DENND1B: variants seen among roughly 807,000 people sequenced by gnomAD.
DENND1B encodes the protein DENN domain-containing protein 1B.
Under a neutral mutation model 90.1 loss-of-function variants are expected in DENND1B, and 59 were observed. The observed-to-expected ratio is 0.65, with a 90% CI of 0.53 to 0.81. DENND1B has a LOEUF of 0.81. Ranked by LOEUF, DENND1B falls within the 40% of genes least tolerant of loss-of-function variation. The pLI, the probability that DENND1B is intolerant of heterozygous loss-of-function variation, is 0.00. For missense variants in DENND1B, 862 were observed against 912.6 expected, an observed-to-expected ratio of 0.94 and a Z score of 0.71; for synonymous variants, 337 against 324.6, an observed-to-expected ratio of 1.04 and a Z score of -0.41.
At chr1:197,522,881 C>G (rs1360548330) in intron 20 of DENND1B, among the ~76,000 whole-genome samples, 1 of 152,078 alleles carries the variant, frequency 6.6e-6, no homozygotes, top group Non-Finnish European at 1.5e-5. Context: ...AGAAAAAAAT[C>G]TGCTAAAATG....
rs116078931 is a variant in DENND1B, at chr1:197,636,648, C to T, written c.672+6063G>A. Among the ~76,000 whole-genome samples, 495 of 152,144 alleles carry T rather than the reference C, an allele frequency of 3.3e-3. 3 individuals are homozygous for T. Among genetic ancestry groups the T allele is most frequent in the African/African-American group, 0.011 (462 of 41,514 alleles). On this transcript the variant is annotated intron_variant, in intron 10 of 22. Coordinates refer to ENST00000620048, the MANE Select transcript of DENND1B (RefSeq NM_001195215.2). ...ATAAATTTCTCAGTAGGGTAAGTAGCGCAAAGCATGCCCTATATTATATAT... is the reference window on the plus strand; with the variant it reads ...ATAAATTTCTCAGTAGGGTAAGTAGTGCAAAGCATGCCCTATATTATATAT...
At chr1:197,602,346 T>C (rs149135625) in intron 13 of DENND1B, among the ~76,000 whole-genome samples, 33 of 151,586 alleles carry the variant, frequency 2.2e-4, no homozygotes, top group African/African-American at 8.0e-4. Context: ...ATGCCTGAGT[T>C]CTAACAATTG....
intron 20 of DENND1B, among the ~76,000 whole-genome samples, chr1:197,527,374 C>A (rs1669220927): frequency 6.6e-6 from 1 of 151,122 alleles, no homozygotes; most frequent in Admixed American, 6.6e-5. Context: ...CCTCTGCCTC[C>A]CGGGTTCAAG....
At chr1:197,618,192 T>C (rs1274498674) in intron 10 of DENND1B, among the ~76,000 whole-genome samples, 3 of 151,084 alleles carry the variant, frequency 2.0e-5, no homozygotes, top group Non-Finnish European at 3.0e-5. Context: ...TTAGGGCAAA[T>C]TGCCAAAGAA....
intron 14 of DENND1B, among the ~76,000 whole-genome samples, chr1:197,591,106 A>G (rs1376191385): frequency 6.6e-6 from 1 of 152,206 alleles, no homozygotes; most frequent in Non-Finnish European, 1.5e-5. Context: ...ACATGGTGAA[A>G]GACATGAAAA....
chr1:197,714,166 G>T (rs1007479225), intron 3 of DENND1B, among the ~76,000 whole-genome samples: 1 of 151,034 alleles, frequency 6.6e-6, no homozygotes, highest in Admixed American at 6.6e-5. Context: ...GCAGAGACGA[G>T]GTTTCACCAT....
In DENND1B at chr1:197,510,983, G is replaced by T. The variant is rs1667989004; in HGVS notation, c.1816-11C>A. On this transcript the variant is annotated splice_polypyrimidine_tract_variant and intron_variant, in intron 22 of 22. Coordinates refer to ENST00000620048, the MANE Select transcript of DENND1B (RefSeq NM_001195215.2). The stretch of plus-strand genomic sequence containing the variant: ...AGCATTAGATTTATTCTGAAAAAAA[G>T]AAGAAACAACAAACTCAGAAAACTT... 1 of 1,478,428 alleles carries T rather than the reference G, an allele frequency of 6.8e-7. No individual in the cohort carries two copies. Among genetic ancestry groups the T allele is most frequent in the African/African-American group, 1.4e-5 (1 of 70,924 alleles). 91.6% of individuals were successfully genotyped at this position (1,478,428 alleles called of 1,614,324 possible). A position where few individuals can be genotyped will look rare whatever the true frequency, so the allele number is the denominator to read the frequency against.
intron 15 of DENND1B, among the ~76,000 whole-genome samples, chr1:197,569,665 G>A (rs1488668425): frequency 6.6e-6 from 1 of 151,788 alleles, no homozygotes; most frequent in Non-Finnish European, 1.5e-5. Flanking sequence ...TCAATCTGGA[G>A]GACATTATGC....
rs547149855 is a variant in DENND1B, at chr1:197,671,970, A to G, written c.296+67T>C. 14 of 1,439,218 alleles carry G rather than the reference A, an allele frequency of 9.7e-6. No individual in the cohort carries two copies. The Admixed American group carries it at 2.3e-4, about 23-fold the overall frequency. 89.2% of individuals were successfully genotyped at this position (1,439,218 alleles called of 1,614,324 possible). On this transcript the variant is annotated intron_variant, in intron 5 of 22. Transcript: ENST00000620048. ...AAACAAGTTTTTCTTCATCCCAAGC[A>G]TAACAAAGTACAATAGAGAGATAGT...
chr1:197,529,461 G>T (rs866208776), intron 20 of DENND1B, among the ~76,000 whole-genome samples: 18 of 151,562 alleles, frequency 1.2e-4, no homozygotes, highest in Middle Eastern at 6.8e-3. Flanking sequence ...ACTTTCCCTA[G>T]GTTTTGTTGT....
chr1:197,693,707 T>C (rs1183405273), intron 3 of DENND1B, among the ~76,000 whole-genome samples: 1 of 151,620 alleles, frequency 6.6e-6, no homozygotes, highest in Non-Finnish European at 1.5e-5. Flanking sequence ...TATTCCATCA[T>C]CTTTTCATCA....
chr1:197,779,698 A>G (rs1657381627), upstream of DENND1B, among the ~76,000 whole-genome samples: 1 of 151,610 alleles, frequency 6.6e-6, no homozygotes, highest in Admixed American at 6.6e-5. Context: ...TTTTATTTCT[A>G]AAGTTCTGTT....
intron 14 of DENND1B, among the ~76,000 whole-genome samples, chr1:197,593,326 T>C (rs1398224075): frequency 7.0e-6 from 1 of 142,038 alleles, no homozygotes; most frequent in Non-Finnish European, 1.6e-5. Context: ...AGAAAAAATG[T>C]AAAGGCATAG....
intron 10 of DENND1B, among the ~76,000 whole-genome samples, chr1:197,629,901 G>C (rs538522419): frequency 5.1e-4 from 77 of 151,974 alleles, no homozygotes; most frequent in African/African-American, 1.6e-3. Context: ...TGTAACTGAT[G>C]CCTCACCAAC....
chr1:197,707,047 G>A (rs1197479693), intron 3 of DENND1B, among the ~76,000 whole-genome samples: 1 of 151,984 alleles, frequency 6.6e-6, no homozygotes, highest in Non-Finnish European at 1.5e-5. Flanking sequence ...AAAAAATATG[G>A]TATACATACA....
chr1:197,638,937 CT>C (rs1015736226), intron 10 of DENND1B, among the ~76,000 whole-genome samples: 1 of 151,852 alleles, frequency 6.6e-6, no homozygotes, highest in East Asian at 1.9e-4. Context: ...ATAATAGGTA[CT>C]AACACAATAC....
intron 15 of DENND1B, among the ~76,000 whole-genome samples, chr1:197,574,197 A>G (rs1283112050): frequency 6.6e-6 from 1 of 152,148 alleles, no homozygotes; most frequent in South Asian, 2.1e-4. Flanking sequence ...AAACCCCATC[A>G]TCTCAGCCCA....
In DENND1B at chr1:197,540,948, A is replaced by AC; in HGVS notation, c.1407+10_1407+11insG. On this transcript the variant is annotated intron_variant, in intron 19 of 22. Transcript: ENST00000620048. ...ATCAAGGTAAAATGGAAAAAAATGAATATGACATACCTTGTGTTTTAGTTT... is the reference window on the plus strand; with the variant it reads ...ATCAAGGTAAAATGGAAAAAAATGAACTATGACATACCTTGTGTTTTAGTTT... The AC allele has an allele frequency of 1.2e-6, 2 of 1,605,694 alleles. No individual in the cohort carries two copies. The highest frequency in any genetic ancestry group is 4.5e-5 in the East Asian group (2 of 44,588).
At chr1:197,577,495 G>T (rs1437917627) in intron 15 of DENND1B, among the ~76,000 whole-genome samples, 1 of 152,112 alleles carries the variant, frequency 6.6e-6, no homozygotes, top group Non-Finnish European at 1.5e-5. Flanking sequence ...GAGAGGTTTT[G>T]GGGGAAAGGT....
Sources: allele counts gnomAD v4.1 joint callset (sites outside exome capture counted in the v4.1 genomes callset), GRCh38; gene constraint gnomAD v4.1.1; transcripts MANE v1.5; gene names NCBI Gene and HGNC (gene_info 2026-07-23, HGNC 2026-07-21).